VIPR2: variants seen among roughly 807,000 people sequenced by gnomAD.
VIPR2 encodes the protein vasoactive intestinal polypeptide receptor 2.
Under a neutral mutation model 58.0 loss-of-function variants are expected in VIPR2, and 48 were observed. The observed-to-expected ratio is 0.83, with a 90% CI of 0.66 to 1.05. The LOEUF (loss-of-function observed/expected upper bound fraction) is 1.05, where lower values mean the gene tolerates loss of function less well. VIPR2 is among the 50% of genes least tolerant of loss of function. The probability of loss-of-function intolerance (pLI) is 0.00; values close to 1 mark genes in which losing one functional copy is unlikely to be tolerated. For missense variants in VIPR2, 534 were observed against 558.0 expected (o/e 0.96, Z 0.43); for synonymous variants, 243 against 235.2 (o/e 1.03, Z -0.30).
At chr7:159,142,891 G>C (rs1186126189) in intron 1 of VIPR2, among the ~76,000 whole-genome samples, 1 of 152,176 alleles carries the variant, frequency 6.6e-6, no homozygotes, top group Non-Finnish European at 1.5e-5. Context: ...CTTTGGTTTG[G>C]TTTAAGCGGA....
At position 159,109,262 on chromosome 7, in the gene VIPR2, C is replaced by T. The variant is rs189814946; in HGVS notation, c.259+550G>A. Among the ~76,000 whole-genome samples the T allele has an allele frequency of 2.3e-3, 354 of 152,340 alleles. 2 individuals carry two copies. The highest frequency in any genetic ancestry group is 6.5e-3 in the Admixed American group (100 of 15,302). ...CAAGAGATATTGGCAGCACCGCATA[C>T]GGAGCATGCCCTGGGTGCAGAGGAG... On this transcript the variant is annotated intron_variant, in intron 3 of 12. Coordinates refer to ENST00000262178, the MANE Select transcript of VIPR2 (RefSeq NM_003382.5).
intron 3 of VIPR2, among the ~76,000 whole-genome samples, chr7:159,106,855 G>T (rs552241916): frequency 2.0e-5 from 3 of 148,990 alleles, no homozygotes; most frequent in South Asian, 2.2e-4. Flanking sequence ...GCACACAGAG[G>T]CCAGGGAGGG....
At chr7:159,122,430 C>T (rs777695124) in intron 2 of VIPR2, among the ~76,000 whole-genome samples, 1 of 152,216 alleles carries the variant, frequency 6.6e-6, no homozygotes, top group Non-Finnish European at 1.5e-5. Context: ...TCTCCTGAGC[C>T]ACTGCTCTCT....
intron 2 of VIPR2, among the ~76,000 whole-genome samples, chr7:159,125,272 C>A (rs1245283771): frequency 6.6e-6 from 1 of 152,218 alleles, no homozygotes; most frequent in Admixed American, 6.5e-5. Context: ...TCATCCCAGA[C>A]CAGACAAAGT....
At chr7:159,135,340 G>A (rs1388636985) in intron 2 of VIPR2, among the ~76,000 whole-genome samples, 5 of 152,072 alleles carry the variant, frequency 3.3e-5, no homozygotes, top group African/African-American at 1.2e-4. Flanking sequence ...GCTGAGGCAG[G>A]AGAATTGCTT....
intron 3 of VIPR2, among the ~76,000 whole-genome samples, chr7:159,107,592 C>CT (rs773379252): frequency 6.6e-6 from 1 of 152,222 alleles, no homozygotes; most frequent in Non-Finnish European, 1.5e-5. Flanking sequence ...GGTCCCACTG[C>CT]TGCAGGGCAG....
At chr7:159,074,884 GAA>G (rs1208518375) in intron 4 of VIPR2, among the ~76,000 whole-genome samples, 1 of 152,160 alleles carries the variant, frequency 6.6e-6, no homozygotes, top group African/African-American at 2.4e-5. Context: ...GAAGCCAATA[GAA>G]AGAGACCAAA....
chr7:159,051,921 GAA>G (rs1855032116), intron 5 of VIPR2, among the ~76,000 whole-genome samples: 1 of 152,096 alleles, frequency 6.6e-6, no homozygotes, highest in South Asian at 2.1e-4. Context: ...AGTACTGGTA[GAA>G]AAATGTAAGT....
At chr7:159,085,279 G>A (rs924110263) in intron 4 of VIPR2, among the ~76,000 whole-genome samples, 45 of 152,166 alleles carry the variant, frequency 3.0e-4, no homozygotes, top group Non-Finnish European at 1.8e-4. Flanking sequence ...CCCACAACAC[G>A]GATGAGGCGG....
chr7:159,144,853 G>A lies in VIPR2; in HGVS notation c.-82C>T, dbSNP rs1797626691. On this transcript the variant is annotated 5_prime_UTR_variant, in exon 1 of 13. Coordinates refer to ENST00000262178, the MANE Select transcript of VIPR2 (RefSeq NM_003382.5). ...CGCGGTTCCGCCGCCTCCAGCATGGGCCGGGAGCGAGTGCGCGGAGACCTC... is the reference window on the plus strand; with the variant it reads ...CGCGGTTCCGCCGCCTCCAGCATGGACCGGGAGCGAGTGCGCGGAGACCTC... 1.7e-6 allele frequency: 2 copies of A among 1,198,424 alleles called. No individual in the cohort carries two copies. Among genetic ancestry groups the A allele is most frequent in the African/African-American group, 3.1e-5 (2 of 63,502 alleles). The allele number at this position is 1,198,424 out of a possible 1,614,324, so 74.2% of individuals were successfully genotyped here.
chr7:159,091,698 G>A (rs1409347830), intron 4 of VIPR2, among the ~76,000 whole-genome samples: 1 of 152,176 alleles, frequency 6.6e-6, no homozygotes, highest in African/African-American at 2.4e-5. Flanking sequence ...CGGGACGCGA[G>A]CACTGGTCGG....
chr7:159,052,070 A>G (rs1389758371), intron 5 of VIPR2, among the ~76,000 whole-genome samples: 1 of 152,202 alleles, frequency 6.6e-6, no homozygotes, highest in Non-Finnish European at 1.5e-5. Flanking sequence ...TTCAAACGAA[A>G]ATGAAACTTT....
chr7:159,137,001 G>A (rs1187862849), intron 2 of VIPR2, among the ~76,000 whole-genome samples: 1 of 152,094 alleles, frequency 6.6e-6, no homozygotes, highest in African/African-American at 2.4e-5. Flanking sequence ...AGGCAGAGAG[G>A]TATGCACCAG....
chr7:159,090,401 G>C (rs1467363125), intron 4 of VIPR2, among the ~76,000 whole-genome samples: 8 of 46,604 alleles, frequency 1.7e-4, no homozygotes, highest in South Asian at 9.0e-4. Context: ...GACCTCAGCA[G>C]AGACACACTG....
chr7:159,055,089 T>A (rs183778055), intron 5 of VIPR2, among the ~76,000 whole-genome samples: 7 of 152,200 alleles, frequency 4.6e-5, no homozygotes, highest in Non-Finnish European at 8.8e-5. Context: ...AACAGTTGAT[T>A]GGATAAATAC....
intron 2 of VIPR2, among the ~76,000 whole-genome samples, chr7:159,118,755 T>C (rs554298035): frequency 2.0e-5 from 3 of 152,252 alleles, no homozygotes; most frequent in Non-Finnish European, 4.4e-5. Context: ...TGATTCTTTG[T>C]ATAAAATCTG....
At chr7:159,124,695 T>A (rs1796592214) in intron 2 of VIPR2, among the ~76,000 whole-genome samples, 1 of 152,214 alleles carries the variant, frequency 6.6e-6, no homozygotes, top group Admixed American at 6.5e-5. Context: ...CTGTTAGTAG[T>A]TTGATAGGAA....
chr7:159,053,976 G>C (rs1585372074), intron 5 of VIPR2, among the ~76,000 whole-genome samples: 1 of 152,328 alleles, frequency 6.6e-6, no homozygotes, highest in Non-Finnish European at 1.5e-5. Context: ...GGACTCCTAG[G>C]AATAAAGACT....
intron 2 of VIPR2, among the ~76,000 whole-genome samples, chr7:159,131,093 T>C (rs561248061): frequency 1.3e-5 from 2 of 152,092 alleles, no homozygotes; most frequent in South Asian, 4.1e-4. Flanking sequence ...AGGGGTGTGA[T>C]AGGGGAGACT....
Sources: gnomAD v4.1 joint callset for allele counts (sites outside exome capture counted in the v4.1 genomes callset) on GRCh38, gnomAD v4.1.1 for gene constraint, MANE v1.5 for transcripts, NCBI Gene and HGNC (gene_info 2026-07-23, HGNC 2026-07-21) for gene names.